HIRA: variants seen among roughly 807,000 people sequenced by gnomAD.
HIRA encodes histone cell cycle regulator.
HIRA carries 13 observed loss-of-function variants against 126.6 expected under a neutral mutation model. The ratio of observed to expected loss-of-function variants is 0.10; its 90% confidence interval spans 0.07 to 0.16. HIRA has a LOEUF of 0.16. Among genes scored for constraint, HIRA ranks in the 10% least tolerant of loss-of-function variants. HIRA has a pLI of 1.00. For missense variants in HIRA, 834 were observed against 1,314.4 expected, an observed-to-expected ratio of 0.63 and a Z score of 5.65; for synonymous variants, 511 against 520.0, an observed-to-expected ratio of 0.98 and a Z score of 0.24.
At chr22:19,355,721 A>C in intron 21 of HIRA, 39 bp downstream of exon 21, 1 of 1,438,130 alleles carries the variant, frequency 7.0e-7, no homozygotes, top group Middle Eastern at 1.9e-4. Context: ...GCAGACAGAC[A>C]CTCTTCCAGG....
At chr22:19,333,191 A>G (rs2088514362) in intron 24 of HIRA, among the ~76,000 whole-genome samples, 1 of 152,364 alleles carries the variant, frequency 6.6e-6, no homozygotes, top group East Asian at 1.9e-4. Context: ...TAAAGGCGTG[A>G]GCCACTATGC....
intron 13 of HIRA, among the ~76,000 whole-genome samples, chr22:19,382,586 C>T (rs1317988826): frequency 6.6e-6 from 1 of 152,062 alleles, no homozygotes; most frequent in Non-Finnish European, 1.5e-5. Flanking sequence ...TCTTTAGACA[C>T]CAAGGAAGAT....
intron 8 of HIRA, among the ~76,000 whole-genome samples, chr22:19,393,468 T>C (rs899228408): frequency 2.6e-5 from 4 of 152,226 alleles, no homozygotes; most frequent in Admixed American, 6.5e-5. Flanking sequence ...AGTGATTCTC[T>C]TGCCTCGGCC....
chr22:19,371,514 T>C (rs2088964983), intron 15 of HIRA, among the ~76,000 whole-genome samples: 2 of 152,232 alleles, frequency 1.3e-5, no homozygotes, highest in Admixed American at 6.5e-5. Flanking sequence ...CTTTAAAGTA[T>C]AGAATCATTA....
At chr22:19,385,274 G>GT (rs1178486668) in intron 12 of HIRA, among the ~76,000 whole-genome samples, 1 of 152,184 alleles carries the variant, frequency 6.6e-6, no homozygotes. Context: ...GATAAAATTC[G>GT]TAAGTTCTTA....
intron 24 of HIRA, among the ~76,000 whole-genome samples, chr22:19,335,312 T>C (rs2088553445): frequency 6.6e-6 from 1 of 152,156 alleles, no homozygotes; most frequent in African/African-American, 2.4e-5. Context: ...TGGCGTGATC[T>C]TGGCTCACTG....
At chr22:19,381,631 G>T (rs1454502711) in intron 13 of HIRA, among the ~76,000 whole-genome samples, 1 of 152,040 alleles carries the variant, frequency 6.6e-6, no homozygotes, top group Non-Finnish European at 1.5e-5. Flanking sequence ...AACCTCACTT[G>T]GTCATGGTAT....
intron 1 of HIRA, among the ~76,000 whole-genome samples, chr22:19,424,483 G>A (rs957611706): frequency 6.6e-6 from 1 of 152,184 alleles, no homozygotes; most frequent in Non-Finnish European, 1.5e-5. Flanking sequence ...AAGCCCCAAG[G>A]CACTCAGAAT....
chr22:19,396,701 ATGG>A, intron 7 of HIRA, 83 bp downstream of exon 7: 1 of 1,443,484 alleles, frequency 6.9e-7, no homozygotes, highest in South Asian at 1.2e-5. Flanking sequence ...GGCCTGGCCC[ATGG>A]CCAGCTCCCT....
At chr22:19,422,171 T>TATACACACACAC (rs1556028840) in intron 1 of HIRA, among the ~76,000 whole-genome samples, 3 of 143,134 alleles carry the variant, frequency 2.1e-5, no homozygotes, top group Non-Finnish European at 4.5e-5. Context: ...TGTTTATATA[T>TATACACACACAC]ACACACACAC....
intron 24 of HIRA, among the ~76,000 whole-genome samples, chr22:19,342,398 C>T (rs770324373): frequency 2.0e-5 from 3 of 152,086 alleles, no homozygotes; most frequent in Admixed American, 6.6e-5. Context: ...TATGGGGACT[C>T]GTTCTGGAGA....
At chr22:19,387,684 C>T (rs2089139279) in intron 11 of HIRA, 27 bp downstream of exon 11, 3 of 1,582,464 alleles carry the variant, frequency 1.9e-6, no homozygotes, top group Admixed American at 1.7e-5. Context: ...CACAGAGCAC[C>T]CAGCAGCACA....
intron 13 of HIRA, among the ~76,000 whole-genome samples, chr22:19,378,860 T>G (rs947168162): frequency 3.9e-5 from 6 of 152,304 alleles, no homozygotes; most frequent in African/African-American, 1.4e-4. Flanking sequence ...TTGGAATAAA[T>G]ATTTCTAAAG....
intron 11 of HIRA, 45 bp downstream of exon 11, chr22:19,387,666 G>T: frequency 6.9e-7 from 1 of 1,458,358 alleles, no homozygotes; most frequent in Non-Finnish European, 9.6e-7. Flanking sequence ...AGCTATTGTG[G>T]CAATGGCCAC....
intron 1 of HIRA, among the ~76,000 whole-genome samples, chr22:19,419,846 C>T (rs2089429316): frequency 6.6e-6 from 1 of 152,214 alleles, no homozygotes; most frequent in Non-Finnish European, 1.5e-5. Flanking sequence ...CAGATTTCGC[C>T]AACTGCCTGC....
intron 24 of HIRA, among the ~76,000 whole-genome samples, 158 bp from the exon 25 acceptor site, chr22:19,331,714 T>A (rs1467792952): frequency 6.6e-6 from 1 of 152,134 alleles, no homozygotes; most frequent in African/African-American, 2.4e-5. Flanking sequence ...GTGGGGCAAA[T>A]GTGCAGGATG....
At chr22:19,372,065 GACTTT>G (rs2088971241) in intron 15 of HIRA, among the ~76,000 whole-genome samples, 1 of 152,168 alleles carries the variant, frequency 6.6e-6, no homozygotes, top group South Asian at 2.1e-4. Context: ...GGTGCTAAAA[GACTTT>G]ACATTCCTAC....
At chr22:19,362,484 C>T (rs928372735) in intron 15 of HIRA, among the ~76,000 whole-genome samples, 1 of 151,990 alleles carries the variant, frequency 6.6e-6, no homozygotes, top group Non-Finnish European at 1.5e-5. Flanking sequence ...ATTGTAAACT[C>T]TAGAGCAATC....
rs776071733 is a variant in HIRA, at chr22:19,361,742, C to A, written c.1965G>T (p.Val655=). 1 of 1,612,492 alleles carries A rather than the reference C, an allele frequency of 6.2e-7. No individual in the cohort carries two copies. The highest frequency in any genetic ancestry group is 8.5e-7 in the Non-Finnish European group (1 of 1,180,028). The part of the protein sequence containing the change: ...RPRKDSRLMP[V]SLSVQSPAAL... ...CTGGCCTCACCTGGACAGACAGAGA[C>A]ACAGGCATGAGACGAGAGTCCTTCC... The change falls in exon 16 of 25, where the codon GTG becomes GTT. Residue 655 remains valine, a synonymous_variant. Coordinates refer to ENST00000263208, the MANE Select transcript of HIRA (RefSeq NM_003325.4).
Sources: allele counts gnomAD v4.1 joint callset (sites outside exome capture counted in the v4.1 genomes callset), GRCh38; gene constraint gnomAD v4.1.1; transcripts MANE v1.5; gene names NCBI Gene and HGNC (gene_info 2026-07-23, HGNC 2026-07-21).